The following SCAF4 variants were observed in gnomAD, a reference collection of about 807,000 sequenced individuals.
The protein encoded by SCAF4 is SR-related and CTD-associated factor 4.
Under a neutral mutation model 129.8 loss-of-function variants are expected in SCAF4, and 25 were observed. The ratio of observed to expected loss-of-function variants is 0.19; its 90% confidence interval spans 0.14 to 0.27. The LOEUF is 0.27. SCAF4 is among the 10% of genes least tolerant of loss of function. SCAF4 has a pLI of 1.00. For synonymous variants in SCAF4, 551 were observed against 497.7 expected (o/e 1.11, Z -1.43); for missense variants, 1,246 against 1,457.1 (o/e 0.86, Z 2.36).
chr21:31,694,834 A>G lies in SCAF4; in HGVS notation c.1215T>C (p.Leu405=), dbSNP rs771728162. 2 of 1,614,168 alleles carry G rather than the reference A, an allele frequency of 1.2e-6. No homozygotes were observed. The highest frequency in any genetic ancestry group is 1.7e-6 in the Non-Finnish European group (2 of 1,179,998). ...TTACCTGCTGATGCGGCTTCTGTGT[A>G]AGTGGTTCATTTTGTGCCTGAAAAG... ...QASFQAQNEP[L]TQKPHQQEME... The change falls in exon 10 of 20, where the codon CTT becomes CTC. Residue 405 remains leucine, a synonymous_variant. Transcript: ENST00000286835.
intron 19 of SCAF4, among the ~76,000 whole-genome samples, chr21:31,674,386 A>C (rs2049796358): frequency 6.6e-6 from 1 of 152,062 alleles, no homozygotes; most frequent in South Asian, 2.1e-4. Flanking sequence ...AACATTATAC[A>C]CTCAAATCCT....
At chr21:31,675,496 G>T (rs756395084) in intron 19 of SCAF4, among the ~76,000 whole-genome samples, 2 of 152,174 alleles carry the variant, frequency 1.3e-5, no homozygotes, top group African/African-American at 2.4e-5. Context: ...GAAGGACAGG[G>T]TGTAAGCGAT....
rs139167740 is a variant in SCAF4 at position 31,693,566 on chromosome 21, C to G, written c.1323-82G>C. 948 of 873,296 alleles carry G rather than the reference C, an allele frequency of 1.1e-3. 6 individuals are homozygous for G. The African/African-American group carries it at 0.015, about 14-fold the overall frequency. 54.1% of individuals were successfully genotyped at this position (873,296 alleles called of 1,614,324 possible). A position where few individuals can be genotyped will look rare whatever the true frequency, so the allele number is the denominator to read the frequency against. On this transcript the variant is annotated intron_variant, in intron 11 of 19. Transcript: ENST00000286835. ...TAAGCACATACTAATTAAAACAGAA[C>G]AAAAACTAGGTAATTTAATGTTTGG...
At chr21:31,729,821 A>G (rs2051304105) in intron 1 of SCAF4, among the ~76,000 whole-genome samples, 1 of 152,232 alleles carries the variant, frequency 6.6e-6, no homozygotes, top group South Asian at 2.1e-4. Context: ...CCCTTTTTCA[A>G]GGAATCAATA....
rs988301224 is a variant in SCAF4, at chr21:31,712,881, T to C, written c.31-6524A>G. The C allele has an allele frequency of 9.2e-6, 9 of 973,892 alleles. No individual in the cohort carries two copies. In the African/African-American group the frequency reaches 1.6e-4, roughly 17 times the overall value. 60.3% of individuals were successfully genotyped at this position (973,892 alleles called of 1,614,324 possible). On this transcript the variant is annotated intron_variant, in intron 1 of 19. Transcript: ENST00000286835. The stretch of plus-strand genomic sequence containing the variant: ...CTGATGGCCTTCTTTATAAAACTGT[T>C]AATAGCATGAAATGAAAGCATCTAA...
In SCAF4 at chr21:31,671,760, C is replaced by G; in HGVS notation, c.3083G>C (p.Arg1028Pro). The change falls in exon 20 of 20, where the codon CGT (arginine) becomes CCT (proline). Residue 1028 changes from arginine to proline, a missense_variant. Transcript: ENST00000286835. ...NRNDDRDNSN[R>P]DRREWGRRSP... is the part of the protein sequence containing the mutation. ...CCTCCTTCCCCACTCTCTCCTGTCA[C>G]GGTTACTATTATCTCTATCATCATT... 1 of 1,614,132 alleles carries G rather than the reference C, an allele frequency of 6.2e-7. No individual in the cohort carries two copies. Among genetic ancestry groups the G allele is most frequent in the Non-Finnish European group, 8.5e-7 (1 of 1,179,964 alleles).
intron 18 of SCAF4, 28 bp from the exon 19 acceptor site, chr21:31,685,268 G>C: frequency 3.3e-6 from 5 of 1,532,934 alleles, no homozygotes; most frequent in Non-Finnish European, 4.5e-6. Flanking sequence ...ATCAACATGT[G>C]AAGCTGAATA....
At chr21:31,705,572 C>G (rs991148340) in intron 2 of SCAF4, 105 bp from the exon 3 acceptor site, 7 of 422,364 alleles carry the variant, frequency 1.7e-5, no homozygotes, top group African/African-American at 1.5e-4. Flanking sequence ...TAAATATTAT[C>G]AATACTGAAT....
intron 11 of SCAF4, 110 bp downstream of exon 11, chr21:31,694,094 C>CA: frequency 1.6e-6 from 1 of 611,774 alleles, no homozygotes; most frequent in Non-Finnish European, 2.8e-6. Flanking sequence ...ACAAACATAC[C>CA]AACTGTTATT....
chr21:31,675,649 C>G (rs2049834993), intron 19 of SCAF4, among the ~76,000 whole-genome samples: 1 of 152,148 alleles, frequency 6.6e-6, no homozygotes, highest in African/African-American at 2.4e-5. Flanking sequence ...TACAGCGAGG[C>G]ATTAGGGCAG....
chr21:31,705,081 T>C (rs1282079895), intron 3 of SCAF4, among the ~76,000 whole-genome samples: 8 of 152,156 alleles, frequency 5.3e-5, no homozygotes, highest in Admixed American at 3.9e-4. Flanking sequence ...TTGGGAAAAT[T>C]TGACAAAGTA....
rs2050906314 is a variant in SCAF4, at chr21:31,715,711, C to G, written c.31-9354G>C. Among the ~76,000 whole-genome samples, 3 of 152,262 alleles carry G rather than the reference C, an allele frequency of 2.0e-5. 1 individual carries two copies. In the South Asian group the frequency reaches 6.2e-4, roughly 32 times the overall value. ...ATGAACTCATTTGGTATGCTTTCCT[C>G]CAAGTCAATGTTTTCTAAAAATTAA... On this transcript the variant is annotated intron_variant, in intron 1 of 19. Coordinates refer to ENST00000286835, the MANE Select transcript of SCAF4 (RefSeq NM_020706.2).
intron 15 of SCAF4, among the ~76,000 whole-genome samples, chr21:31,689,228 T>C (rs994609145): frequency 1.3e-5 from 2 of 152,030 alleles, no homozygotes; most frequent in African/African-American, 4.8e-5. Flanking sequence ...GAGTGGGATG[T>C]GGGAATAGTA....
At chr21:31,720,206 T>C (rs939686230) in intron 1 of SCAF4, among the ~76,000 whole-genome samples, 2 of 152,176 alleles carry the variant, frequency 1.3e-5, no homozygotes, top group South Asian at 2.1e-4. Flanking sequence ...GAAATAAAAA[T>C]TGATTCCAGG....
At chr21:31,721,911 G>T (rs1341725578) in intron 1 of SCAF4, among the ~76,000 whole-genome samples, 2 of 151,736 alleles carry the variant, frequency 1.3e-5, no homozygotes, top group African/African-American at 2.4e-5. Flanking sequence ...GTACAGACAG[G>T]GTTTCTCAAT....
At chr21:31,684,921 A>G in intron 19 of SCAF4, 128 bp downstream of exon 19, 3 of 597,920 alleles carry the variant, frequency 5.0e-6, no homozygotes, top group Admixed American at 2.9e-5. Context: ...ACAACCAAAA[A>G]AGCCAGTCTT....
chr21:31,717,842 TACACACACACACACACACACACACACAC>T (rs66498283), intron 1 of SCAF4, among the ~76,000 whole-genome samples: 53 of 114,280 alleles, frequency 4.6e-4, no homozygotes, highest in African/African-American at 1.7e-3. Context: ...TATATATATA[TACACACACACACACACACACACACACAC>T]ATATACACAT....
chr21:31,688,114 CAAA>C (rs61592268), intron 16 of SCAF4, among the ~76,000 whole-genome samples, 190 bp downstream of exon 16: 4 of 10,904 alleles, frequency 3.7e-4, no homozygotes, highest in African/African-American at 9.4e-4. Flanking sequence ...GACTCTGTCT[CAAA>C]AAAAAAAAAA....
At position 31,685,420 on chromosome 21, in the gene SCAF4, A is replaced by G. The variant is rs201359205; in HGVS notation, c.2274T>C (p.Thr758=). 15 of 1,612,712 alleles carry G rather than the reference A, an allele frequency of 9.3e-6. No homozygotes were observed. Among genetic ancestry groups the G allele is most frequent in the Non-Finnish European group, 1.2e-5 (14 of 1,179,390 alleles). ...TACAGTTTGGGATGCTTATTGGTGG[A>G]GTGTGAGGAGGAGGAATGGATACTG... The part of the protein sequence containing the change: ...TPPVSIPPPH[T]PPISIPNSTI... The change falls in exon 18 of 20, where the codon ACT becomes ACC. Residue 758 remains threonine, a synonymous_variant. Transcript: ENST00000286835.
Sources: gnomAD v4.1 joint callset for allele counts (sites outside exome capture counted in the v4.1 genomes callset) on GRCh38, gnomAD v4.1.1 for gene constraint, MANE v1.5 for transcripts, NCBI Gene and HGNC (gene_info 2026-07-23, HGNC 2026-07-21) for gene names.